WASHC3: variants seen among roughly 807,000 people sequenced by gnomAD.
WASHC3 encodes the protein WASH complex subunit 3.
In WASHC3, 24 loss-of-function variants were observed where a neutral mutation model predicts 26.1. The observed-to-expected ratio is 0.92, with a 90% CI of 0.66 to 1.29. The LOEUF (loss-of-function observed/expected upper bound fraction) is 1.29. Ranked by LOEUF, WASHC3 falls within the 50% of genes most tolerant of loss-of-function variation. The probability of loss-of-function intolerance (pLI) is 0.00; values close to 1 mark genes in which losing one functional copy is unlikely to be tolerated. For missense variants in WASHC3, 214 were observed against 229.6 expected (o/e 0.93, Z 0.44); for synonymous variants, 77 against 75.7 (o/e 1.02, Z -0.09).
chr12:102,062,076 T>G, upstream of WASHC3: 1 of 841,810 alleles, frequency 1.2e-6, no homozygotes, highest in Non-Finnish European at 1.9e-6. Flanking sequence ...TCCGGGGCCC[T>G]TCCCGCCGGA....
chr12:102,013,129 G>C lies in WASHC3; in HGVS notation c.564C>G (p.Ser188Arg). 6.6e-7 allele frequency: 1 copy of C among 1,517,898 alleles called. No homozygotes were observed. The highest frequency in any genetic ancestry group is 9.0e-7 in the Non-Finnish European group (1 of 1,112,604). The allele number at this position is 1,517,898 out of a possible 1,614,324, so 94.0% of individuals were successfully genotyped here. A position where few individuals can be genotyped will look rare whatever the true frequency, so the allele number is the denominator to read the frequency against. Reference sequence around the variant, plus strand: ...AAGCTTAATCACTAAAAGAAGATTCGCTATCTGAACTTTCTTCTACAGTTT... The same window carrying C: ...AAGCTTAATCACTAAAAGAAGATTCCCTATCTGAACTTTCTTCTACAGTTT... ...SEKTVEESSD[S>R]ESSFSD The change falls in exon 7 of 7, where the codon AGC (serine) becomes AGG (arginine). Residue 188 changes from serine (S) to arginine (R), a missense_variant. Ser to Arg is a moderately radical substitution (Grantham distance 110). Coordinates refer to ENST00000240079, the MANE Select transcript of WASHC3 (RefSeq NM_016053.4).
At chr12:102,041,917 G>C (rs59243036) in intron 4 of WASHC3, among the ~76,000 whole-genome samples, 6,126 of 152,084 alleles carry the variant, frequency 0.04, 414 homozygotes, top group African/African-American at 0.14. Context: ...AAGAAATTCA[G>C]CTGTGATTAC....
chr12:102,033,099 G>C (rs865979287), intron 5 of WASHC3, among the ~76,000 whole-genome samples: 3 of 152,066 alleles, frequency 2.0e-5, no homozygotes, highest in Non-Finnish European at 4.4e-5. Context: ...GTGAAGCAAG[G>C]CACATATAAA....
At chr12:102,053,207 T>G (rs554310707) in intron 2 of WASHC3, among the ~76,000 whole-genome samples, 2 of 151,610 alleles carry the variant, frequency 1.3e-5, no homozygotes, top group South Asian at 2.1e-4. Context: ...GGCCAGACAC[T>G]GCAGACTCAG....
chr12:102,056,716 TAAAG>T (rs1015616088), intron 2 of WASHC3, among the ~76,000 whole-genome samples: 5 of 152,046 alleles, frequency 3.3e-5, no homozygotes, highest in African/African-American at 1.2e-4. Context: ...GACTAAATCA[TAAAG>T]AAATAGGTAA....
At chr12:102,029,280 A>G (rs1167313370) in intron 5 of WASHC3, among the ~76,000 whole-genome samples, 1 of 152,250 alleles carries the variant, frequency 6.6e-6, no homozygotes, top group Admixed American at 6.5e-5. Context: ...AAAGACCTCA[A>G]AACTGAAGTC....
intron 2 of WASHC3, among the ~76,000 whole-genome samples, chr12:102,050,920 C>G (rs1028932884): frequency 1.3e-5 from 2 of 152,206 alleles, no homozygotes; most frequent in African/African-American, 4.8e-5. Context: ...ACCCTAAGTA[C>G]CTCTGTAATG....
intron 4 of WASHC3, among the ~76,000 whole-genome samples, chr12:102,040,676 T>A (rs1049424425): frequency 1.3e-5 from 2 of 152,082 alleles, no homozygotes; most frequent in Non-Finnish European, 2.9e-5. Flanking sequence ...ATGCTATTGT[T>A]ATACAGGCAG....
intron 5 of WASHC3, among the ~76,000 whole-genome samples, chr12:102,027,935 C>A (rs112204279): frequency 6.6e-6 from 1 of 152,092 alleles, no homozygotes; most frequent in African/African-American, 2.4e-5. Context: ...ATAAATAGTA[C>A]CATCTTTGAA....
At chr12:102,041,339 GT>G (rs1176152455) in intron 4 of WASHC3, among the ~76,000 whole-genome samples, 1 of 151,844 alleles carries the variant, frequency 6.6e-6, no homozygotes, top group African/African-American at 2.4e-5. Context: ...CCTCAACAAG[GT>G]TTAATTATGA....
chr12:102,052,549 CAG>C (rs1476775307), intron 2 of WASHC3, among the ~76,000 whole-genome samples: 5 of 151,994 alleles, frequency 3.3e-5, no homozygotes, highest in Non-Finnish European at 7.4e-5. Context: ...GCTCTAGGGA[CAG>C]GCCAGCCCCA....
chr12:102,029,859 A>C (rs1235951907), intron 5 of WASHC3, among the ~76,000 whole-genome samples: 1 of 152,198 alleles, frequency 6.6e-6, no homozygotes, highest in Non-Finnish European at 1.5e-5. Flanking sequence ...AGAGCACGGG[A>C]ACTAGTAGAA....
chr12:102,058,509 C>G (rs1050751033), intron 2 of WASHC3, among the ~76,000 whole-genome samples: 2 of 151,918 alleles, frequency 1.3e-5, no homozygotes, highest in Non-Finnish European at 2.9e-5. Context: ...GCACAGCCAA[C>G]GAAACCATCA....
chr12:102,020,545 T>A (rs1013100996), intron 6 of WASHC3, among the ~76,000 whole-genome samples: 1 of 152,178 alleles, frequency 6.6e-6, no homozygotes, highest in Non-Finnish European at 1.5e-5. Flanking sequence ...AACCAAACAT[T>A]CTTTGGAAAA....
chr12:102,052,605 C>T (rs1878435788), intron 2 of WASHC3, among the ~76,000 whole-genome samples: 1 of 151,954 alleles, frequency 6.6e-6, no homozygotes, highest in South Asian at 2.1e-4. Flanking sequence ...GGCTAGCCTC[C>T]ATGGGCCCAA....
chr12:102,023,569 C>T (rs1007912860), intron 6 of WASHC3, among the ~76,000 whole-genome samples: 17 of 152,196 alleles, frequency 1.1e-4, no homozygotes, highest in African/African-American at 2.9e-4. Context: ...AGTGAGGCTC[C>T]GTAACTTTTA....
chr12:102,042,539 G>A (rs1431947281), intron 4 of WASHC3, among the ~76,000 whole-genome samples: 4 of 152,176 alleles, frequency 2.6e-5, no homozygotes, highest in Admixed American at 1.3e-4. Context: ...GTTACTTTTC[G>A]ACCTTCAGCA....
chr12:102,053,928 T>C (rs1037698700), intron 2 of WASHC3, among the ~76,000 whole-genome samples: 2 of 152,184 alleles, frequency 1.3e-5, no homozygotes, highest in South Asian at 2.1e-4. Context: ...TAAAAAGATA[T>C]ACGTTGCAAA....
At chr12:102,054,534 T>C (rs1878517033) in intron 2 of WASHC3, among the ~76,000 whole-genome samples, 1 of 152,122 alleles carries the variant, frequency 6.6e-6, no homozygotes, top group Admixed American at 6.5e-5. Context: ...GGACATATCA[T>C]CCAGGCAGAA....
Sources: gnomAD v4.1 joint callset for allele counts (sites outside exome capture counted in the v4.1 genomes callset) on GRCh38, gnomAD v4.1.1 for gene constraint, MANE v1.5 for transcripts, NCBI Gene and HGNC (gene_info 2026-07-23, HGNC 2026-07-21) for gene names.